The following ATG5 variants were observed in gnomAD, a reference collection of about 807,000 sequenced individuals.
ATG5 encodes the protein autophagy related 5.
In ATG5, 14 loss-of-function variants were observed where a neutral mutation model predicts 36.5. The observed-to-expected ratio is 0.38, with a 90% confidence interval of 0.25 to 0.60. The LOEUF (loss-of-function observed/expected upper bound fraction) is 0.60, where lower values mean the gene tolerates loss of function less well. Among genes scored for constraint, ATG5 ranks in the 20% least tolerant of loss-of-function variants. The probability of loss-of-function intolerance (pLI) is 0.60; values close to 1 mark genes in which losing one functional copy is unlikely to be tolerated. For missense variants in ATG5, 195 were observed against 326.7 expected (o/e 0.60, Z 3.11); for synonymous variants, 95 against 101.5 (o/e 0.94, Z 0.38).
At chr6:106,193,281 A>T (rs1345978751) in intron 7 of ATG5, among the ~76,000 whole-genome samples, 2 of 152,232 alleles carry the variant, frequency 1.3e-5, no homozygotes, top group Non-Finnish European at 2.9e-5. Context: ...ACAGGTCTTA[A>T]TGAACATGCA....
chr6:106,319,369 T>C (rs1176969200), intron 1 of ATG5, among the ~76,000 whole-genome samples: 2 of 152,242 alleles, frequency 1.3e-5, no homozygotes, highest in Non-Finnish European at 2.9e-5. Context: ...ACACTGCTAA[T>C]AATATGCAAT....
At chr6:106,223,763 G>A (rs1283809623) in intron 6 of ATG5, among the ~76,000 whole-genome samples, 2 of 152,156 alleles carry the variant, frequency 1.3e-5, no homozygotes, top group Non-Finnish European at 2.9e-5. Context: ...TTTAAAAATA[G>A]CTCATGATAT....
chr6:106,264,584 C>G (rs1779155060), intron 5 of ATG5, among the ~76,000 whole-genome samples: 1 of 152,062 alleles, frequency 6.6e-6, no homozygotes, highest in South Asian at 2.1e-4. Context: ...TTAAGGGCAG[C>G]CAGAGAGAAA....
chr6:106,218,319 T>C (rs1159580742), intron 6 of ATG5, among the ~76,000 whole-genome samples: 1 of 152,086 alleles, frequency 6.6e-6, no homozygotes, highest in Non-Finnish European at 1.5e-5. Flanking sequence ...TTTATTCAAA[T>C]AATTTTATTT....
intron 5 of ATG5, among the ~76,000 whole-genome samples, chr6:106,262,862 T>G (rs951576790): frequency 1.3e-5 from 2 of 152,188 alleles, no homozygotes; most frequent in Non-Finnish European, 2.9e-5. Context: ...ATCAGGAGAT[T>G]CCCTCATGTA....
At chr6:106,215,637 T>C (rs1047629048) in intron 6 of ATG5, among the ~76,000 whole-genome samples, 3 of 151,982 alleles carry the variant, frequency 2.0e-5, no homozygotes, top group Non-Finnish European at 4.4e-5. Flanking sequence ...AAAGGTAACA[T>C]AGTAAAACTA....
Position 106,220,421 on chromosome 6 carries a change from C to A in ATG5, c.574-18332G>T, listed in dbSNP as rs1372739524. ...AAAACCAAAAAACAGGCATCACACA[C>A]AAGAACTGAGGCGTATACTTCATTA... On this transcript the variant is annotated intron_variant, in intron 6 of 7. Transcript: ENST00000369076. Among the ~76,000 whole-genome samples, 5 of 150,334 alleles carry A rather than the reference C, an allele frequency of 3.3e-5. No homozygotes were observed. The East Asian group carries it at 9.9e-4, about 30-fold the overall frequency.
chr6:106,227,607 A>G (rs1777497317), intron 6 of ATG5, among the ~76,000 whole-genome samples: 2 of 152,216 alleles, frequency 1.3e-5, no homozygotes, highest in Admixed American at 1.3e-4. Context: ...AATGTCAACC[A>G]AAAACTACAT....
intron 6 of ATG5, among the ~76,000 whole-genome samples, chr6:106,226,094 C>T (rs1263080998): frequency 6.6e-6 from 1 of 152,148 alleles, no homozygotes. Flanking sequence ...AATTGCTTGC[C>T]GTATCATTGA....
chr6:106,217,410 A>G (rs1282224531), intron 6 of ATG5: 1 of 152,230 alleles, frequency 6.6e-6, no homozygotes, highest in Non-Finnish European at 1.5e-5. Flanking sequence ...TATGAAATAA[A>G]AGTATCAAAT....
rs138848450 is a variant in ATG5, at chr6:106,220,479, C to G, written c.574-18390G>C. On this transcript the variant is annotated intron_variant, in intron 6 of 7. Coordinates refer to ENST00000369076, the MANE Select transcript of ATG5 (RefSeq NM_004849.4). Reference sequence around the variant, plus strand: ...TGATATCCTGATATGAAATGTCAAACAAAATTACCCAGGCTCAGGTTAGAA... The same window carrying G: ...TGATATCCTGATATGAAATGTCAAAGAAAATTACCCAGGCTCAGGTTAGAA... Among the ~76,000 whole-genome samples the G allele has an allele frequency of 2.1e-3, 325 of 152,240 alleles. 1 individual carries two copies. The highest frequency in any genetic ancestry group is 7.6e-3 in the African/African-American group (314 of 41,548).
At chr6:106,224,805 C>T (rs543314230) in intron 6 of ATG5, among the ~76,000 whole-genome samples, 2 of 152,198 alleles carry the variant, frequency 1.3e-5, no homozygotes, top group South Asian at 2.1e-4. Context: ...CGCTTGAACC[C>T]GGGAGGCGGA....
chr6:106,301,331 T>C (rs1418856863), intron 3 of ATG5, among the ~76,000 whole-genome samples: 1 of 152,110 alleles, frequency 6.6e-6, no homozygotes. Flanking sequence ...AGTATACCAC[T>C]GTTCTTAAAT....
chr6:106,284,382 G>A (rs1052388868), intron 4 of ATG5, among the ~76,000 whole-genome samples: 1 of 151,954 alleles, frequency 6.6e-6, no homozygotes, highest in African/African-American at 2.4e-5. Context: ...TGGAGACAGG[G>A]TTGCACTCTT....
chr6:106,290,075 T>C (rs954894701), intron 4 of ATG5, among the ~76,000 whole-genome samples: 2 of 151,694 alleles, frequency 1.3e-5, no homozygotes, highest in Non-Finnish European at 2.9e-5. Flanking sequence ...CAGGATAGAG[T>C]GCAATCACTG....
At chr6:106,292,107 A>C (rs1290676639) in intron 4 of ATG5, among the ~76,000 whole-genome samples, 1 of 152,188 alleles carries the variant, frequency 6.6e-6, no homozygotes, top group Admixed American at 6.5e-5. Flanking sequence ...GAGAGAGGCC[A>C]AGGCAGGTGG....
At chr6:106,240,781 G>GA (rs922157877) in intron 6 of ATG5, among the ~76,000 whole-genome samples, 8 of 151,728 alleles carry the variant, frequency 5.3e-5, no homozygotes, top group South Asian at 4.2e-4. Flanking sequence ...GTAAAAACTA[G>GA]AAAAAAAGAA....
rs759548889 is a variant in ATG5, at chr6:106,248,256, T to C, written c.479-12A>G. The C allele has an allele frequency of 9.6e-6, 15 of 1,566,432 alleles. No individual in the cohort carries two copies. The highest frequency in any genetic ancestry group is 1.3e-5 in the Non-Finnish European group (15 of 1,137,944). On this transcript the variant is annotated splice_polypyrimidine_tract_variant and intron_variant, in intron 5 of 7. Transcript: ENST00000369076. ...CTGGTCAAATCTGTCTGTAATGATA[T>C]AAATTATTTGTTATTAAAAATGAAC...
intron 7 of ATG5, among the ~76,000 whole-genome samples, chr6:106,201,585 T>C (rs17066680): frequency 0.015 from 2,281 of 152,254 alleles, 57 homozygotes; most frequent in African/African-American, 0.052. Context: ...ACTCATCCAT[T>C]TTTCAGTATT....
Sources: allele counts gnomAD v4.1 joint callset (sites outside exome capture counted in the v4.1 genomes callset), GRCh38; gene constraint gnomAD v4.1.1; transcripts MANE v1.5; gene names NCBI Gene and HGNC (gene_info 2026-07-23, HGNC 2026-07-21).